Variants in STK26 observed in about 807,000 individuals in gnomAD.
STK26 encodes the protein serine/threonine kinase 26.
Under a neutral mutation model 34.7 loss-of-function variants are expected in STK26, and 14 were observed. That is an observed-to-expected ratio of 0.40 (90% confidence interval 0.27 to 0.63). STK26 has a LOEUF of 0.63. Among genes scored for constraint, STK26 ranks in the 30% least tolerant of loss-of-function variants. The pLI, the probability that STK26 is intolerant of heterozygous loss-of-function variation, is 0.38. For missense variants in STK26, 226 were observed against 309.1 expected, an observed-to-expected ratio of 0.73 and a Z score of 2.02; for synonymous variants, 100 against 109.8, an observed-to-expected ratio of 0.91 and a Z score of 0.56.
chrX:132,058,229 C>G (rs1926922922), intron 3 of STK26, among the ~76,000 whole-genome samples: 1 of 107,068 alleles, frequency 9.3e-6, no homozygotes, highest in African/African-American at 3.6e-5. Flanking sequence ...CTTGGTGGTA[C>G]ATGTGTGTGT....
intron 2 of STK26, among the ~76,000 whole-genome samples, chrX:132,030,543 C>A (rs1162872432): frequency 8.9e-6 from 1 of 111,852 alleles, no homozygotes; most frequent in Non-Finnish European, 1.9e-5. Flanking sequence ...TTTACTTCTC[C>A]ATGGATATTC....
chrX:132,041,686 A>G (rs994773157), intron 2 of STK26, among the ~76,000 whole-genome samples: 1 of 111,105 alleles, frequency 9.0e-6, no homozygotes, highest in Non-Finnish European at 1.9e-5. Context: ...CATAAGGGTC[A>G]CTTCCAGTTC....
At position 132,023,629 on chromosome X, in the gene STK26, G is replaced by A; in HGVS notation, c.12G>A (p.Ser4=). 8.5e-7 allele frequency: 1 copy of A among 1,176,565 alleles called. No homozygotes were observed. The highest frequency in any genetic ancestry group is 1.1e-6 in the Non-Finnish European group (1 of 877,683). Residue 4 remains serine, a synonymous_variant, in exon 2 of 12, where the codon TCG becomes TCA. Transcript: ENST00000394334. MAH[S]PVAVQVPGMQ... is the part of the protein sequence containing the mutation. Reference sequence around the variant, plus strand: ...CAGCATTCGCCTCCATGGCCCACTCGCCGGTGGCTGTCCAAGTGCCTGGGA... The same window carrying A: ...CAGCATTCGCCTCCATGGCCCACTCACCGGTGGCTGTCCAAGTGCCTGGGA...
At chrX:132,027,856 TTTTAA>T (rs937146213) in intron 2 of STK26, among the ~76,000 whole-genome samples, 5 of 109,173 alleles carry the variant, frequency 4.6e-5, no homozygotes, top group African/African-American at 1.7e-4. Context: ...ATTTCTTCTT[TTTTAA>T]TTTTTTTTTT....
At chrX:132,037,719 G>C (rs1215086974) in intron 2 of STK26, among the ~76,000 whole-genome samples, 2 of 104,318 alleles carry the variant, frequency 1.9e-5, no homozygotes, top group Admixed American at 2.0e-4. Context: ...AAGGGACCAG[G>C]CATTGAATTC....
chrX:132,044,327 C>G (rs376887313), intron 2 of STK26, among the ~76,000 whole-genome samples: 321 of 110,767 alleles, frequency 2.9e-3, no homozygotes, highest in African/African-American at 0.01. Flanking sequence ...TGTGGGAGGG[C>G]AGAAGATGAA....
intron 2 of STK26, among the ~76,000 whole-genome samples, chrX:132,041,310 GA>G (rs1300327314): frequency 9.0e-6 from 1 of 111,153 alleles, no homozygotes; most frequent in African/African-American, 3.3e-5. Flanking sequence ...AGAAAGAGGA[GA>G]AATGAAATTA....
intron 3 of STK26, among the ~76,000 whole-genome samples, chrX:132,058,795 A>G (rs774434772): frequency 5.5e-4 from 61 of 111,296 alleles, no homozygotes; most frequent in Non-Finnish European, 8.1e-4. Context: ...ACTAAACTCT[A>G]TGATATAAAA....
At chrX:132,071,039 C>A in intron 7 of STK26, 30 bp from the exon 8 acceptor site, 2 of 1,178,122 alleles carry the variant, frequency 1.7e-6, no homozygotes, top group South Asian at 1.9e-5. Flanking sequence ...CAACAATTGT[C>A]ATATGCAGCC....
rs142863750 is a variant in STK26 at position 132,053,244 on chromosome X, T to G, written c.43-1387T>G. Among the ~76,000 whole-genome samples the G allele has an allele frequency of 9.8e-3, 1,098 of 111,736 alleles. 2 individuals are homozygous for G. Among genetic ancestry groups the G allele is most frequent in the Non-Finnish European group, 0.015 (805 of 53,049 alleles). On this transcript the variant is annotated intron_variant, in intron 2 of 11. Coordinates refer to ENST00000394334, the MANE Select transcript of STK26 (RefSeq NM_016542.4). ...CAAGTAGCTTGCAGTCTCAGAGACT[T>G]CTATATGGAAAGCACAACTTTTAGA...
rs748488928 is a variant in STK26, at chrX:132,074,194, C to T, written c.*35C>T. 11 of 1,181,966 alleles carry T rather than the reference C, an allele frequency of 9.3e-6. No homozygotes were observed. In the East Asian group the frequency reaches 3.0e-4, roughly 32 times the overall value. ...TATTGGCTTCTGTTTCATATGGACCCAGAGAGCCCCACCAAACCTACGTCA... is the reference window on the plus strand; with the variant it reads ...TATTGGCTTCTGTTTCATATGGACCTAGAGAGCCCCACCAAACCTACGTCA... On this transcript the variant is annotated 3_prime_UTR_variant, in exon 12 of 12. Coordinates refer to ENST00000394334, the MANE Select transcript of STK26 (RefSeq NM_016542.4).
chrX:132,025,519 C>T, intron 2 of STK26, among the ~76,000 whole-genome samples: 1 of 111,635 alleles, frequency 9.0e-6, no homozygotes, highest in Admixed American at 9.5e-5. Flanking sequence ...AATGTGGATT[C>T]GAATGTGAAT....
intron 3 of STK26, among the ~76,000 whole-genome samples, chrX:132,061,741 A>G (rs1267920000): frequency 3.6e-5 from 4 of 111,368 alleles, no homozygotes; most frequent in African/African-American, 6.5e-5. Context: ...ACCCTCTCCC[A>G]TCCCCTAAGC....
chrX:132,034,629 G>A (rs1011616578), intron 2 of STK26, among the ~76,000 whole-genome samples: 4 of 111,749 alleles, frequency 3.6e-5, no homozygotes, highest in African/African-American at 1.3e-4. Flanking sequence ...CCATAACAAG[G>A]AGGTTTGGGT....
chrX:132,057,846 G>A (rs956150077), intron 3 of STK26, among the ~76,000 whole-genome samples: 5 of 111,578 alleles, frequency 4.5e-5, no homozygotes, highest in African/African-American at 1.6e-4. Context: ...CACTACTGCT[G>A]TCAAGGCACT....
Position 132,023,332 on chromosome X carries a change from A to C in STK26, c.-186A>C, listed in dbSNP as rs1236117608. The C allele has an allele frequency of 2.0e-6, 1 of 488,030 alleles. No homozygotes were observed. Among genetic ancestry groups the C allele is most frequent in the Admixed American group, 2.4e-5 (1 of 42,460 alleles). The allele number at this position is 488,030 out of a possible 1,213,427, so 40.2% of individuals were successfully genotyped here. ...TCGAGCCCAGGTCCCAGCCACCACC[A>C]CTCACAGCGCTCGGCGTTCAGGAAG... On this transcript the variant is annotated 5_prime_UTR_variant, in exon 1 of 12. Transcript: ENST00000394334.
chrX:132,034,529 C>T (rs908886333), intron 2 of STK26, among the ~76,000 whole-genome samples: 2 of 109,736 alleles, frequency 1.8e-5, no homozygotes, highest in South Asian at 3.9e-4. Flanking sequence ...CTCCTGACCT[C>T]GTGGTCCGCC....
intron 3 of STK26, among the ~76,000 whole-genome samples, chrX:132,060,874 C>G (rs1209989623): frequency 1.8e-5 from 2 of 111,122 alleles, no homozygotes; most frequent in Non-Finnish European, 3.8e-5. Flanking sequence ...ACCTCGGCCT[C>G]CCAAAATACC....
intron 2 of STK26, among the ~76,000 whole-genome samples, chrX:132,036,807 G>T (rs2124139233): frequency 8.9e-6 from 1 of 111,866 alleles, no homozygotes; most frequent in Non-Finnish European, 1.9e-5. Context: ...AATGTGTATT[G>T]CACATGAAGT....
Sources: allele counts gnomAD v4.1 joint callset (sites outside exome capture counted in the v4.1 genomes callset), GRCh38; gene constraint gnomAD v4.1.1; transcripts MANE v1.5; gene names NCBI Gene and HGNC (gene_info 2026-07-23, HGNC 2026-07-21).